Variants in CCDC122 observed in about 807,000 individuals in gnomAD.
CCDC122 encodes the protein coiled-coil domain-containing protein 122.
Under a neutral mutation model 37.0 loss-of-function variants are expected in CCDC122, and 38 were observed. That is an observed-to-expected ratio of 1.03 (90% CI 0.79 to 1.35). The LOEUF (loss-of-function observed/expected upper bound fraction) is 1.35. Among genes scored for constraint, CCDC122 ranks in the 40% most tolerant of loss-of-function variants. CCDC122 has a pLI of 0.00. For missense variants in CCDC122, 305 were observed against 310.0 expected (o/e 0.98, Z 0.12); for synonymous variants, 83 against 95.6 (o/e 0.87, Z 0.77).
At chr13:43,872,577 GAGA>G (rs1412057132) in intron 2 of CCDC122, among the ~76,000 whole-genome samples, 2 of 152,076 alleles carry the variant, frequency 1.3e-5, no homozygotes, top group Non-Finnish European at 2.9e-5. Flanking sequence ...AAAAAAATCA[GAGA>G]AGATGGTAAA....
chr13:43,826,578 C>T (rs1336102234), intron 3 of CCDC122, among the ~76,000 whole-genome samples: 1 of 152,138 alleles, frequency 6.6e-6, no homozygotes. Flanking sequence ...TTTGCACTCT[C>T]TAAGGCCTAA....
In CCDC122 at chr13:43,837,395, C is replaced by T; in HGVS notation, c.707G>A (p.Arg236His). The change falls in exon 7 of 7, where the codon CGT becomes CAT. Residue 236 changes from arginine to histidine, a missense_variant. Physicochemically the swap from Arg to His is conservative, Grantham distance 29. Coordinates refer to ENST00000444614, the MANE Select transcript of CCDC122 (RefSeq NM_144974.5). ...AAGCTTGTTCACCTGACAATGCAAACGCTTAAGAATTGCATCATACCTCTT... is the reference window on the plus strand; with the variant it reads ...AAGCTTGTTCACCTGACAATGCAAATGCTTAAGAATTGCATCATACCTCTT... ...QHKRYDAILK[R>H]LHCQVNKLQS... The T allele has an allele frequency of 1.2e-6, 2 of 1,613,842 alleles. No homozygotes were observed. The highest frequency in any genetic ancestry group is 2.2e-5 in the East Asian group (1 of 44,872).
chr13:43,831,709 T>G (rs1953091497), downstream of CCDC122, among the ~76,000 whole-genome samples: 1 of 152,188 alleles, frequency 6.6e-6, no homozygotes, highest in African/African-American at 2.4e-5. Context: ...GACATGATTT[T>G]TATGCCAGAG....
At chr13:43,828,888 T>C (rs1484691773) in intron 3 of CCDC122, among the ~76,000 whole-genome samples, 1 of 152,222 alleles carries the variant, frequency 6.6e-6, no homozygotes, top group Non-Finnish European at 1.5e-5. Context: ...ATTATTTGTA[T>C]ATAAGCTACA....
chr13:43,850,027 G>T (rs1046329233), intron 6 of CCDC122, among the ~76,000 whole-genome samples: 1 of 152,158 alleles, frequency 6.6e-6, no homozygotes, highest in African/African-American at 2.4e-5. Flanking sequence ...CTTTCACCAG[G>T]ACTCAGTAGT....
chr13:43,823,213 A>T (rs1953008577), downstream of CCDC122, among the ~76,000 whole-genome samples: 3 of 152,056 alleles, frequency 2.0e-5, no homozygotes, highest in Non-Finnish European at 4.4e-5. Flanking sequence ...ATTCTGGCCC[A>T]GGGTGTGTCT....
At chr13:43,848,042 T>C (rs1594827862) in intron 6 of CCDC122, among the ~76,000 whole-genome samples, 1 of 152,218 alleles carries the variant, frequency 6.6e-6, no homozygotes, top group African/African-American at 2.4e-5. Flanking sequence ...CCCAAAGTGC[T>C]GGGATTACAG....
intron 6 of CCDC122, among the ~76,000 whole-genome samples, chr13:43,846,551 C>T (rs921565797): frequency 2.6e-5 from 4 of 152,146 alleles, no homozygotes; most frequent in African/African-American, 9.7e-5. Flanking sequence ...AGTTAGAGTA[C>T]ATCTATTTCA....
At chr13:43,826,047 C>G (rs1387128678) in intron 3 of CCDC122, among the ~76,000 whole-genome samples, 1 of 152,192 alleles carries the variant, frequency 6.6e-6, no homozygotes, top group Non-Finnish European at 1.5e-5. Flanking sequence ...CTTACAGTCA[C>G]TCTTTAAAAA....
intron 6 of CCDC122, among the ~76,000 whole-genome samples, chr13:43,848,065 G>A (rs772786704): frequency 1.1e-4 from 17 of 152,210 alleles, no homozygotes; most frequent in Non-Finnish European, 1.9e-4. Context: ...ATGAGCCACC[G>A]TGCCCAGGCT....
intron 3 of CCDC122, among the ~76,000 whole-genome samples, chr13:43,830,684 T>C (rs991486005): frequency 2.0e-5 from 3 of 152,206 alleles, no homozygotes; most frequent in African/African-American, 7.2e-5. Flanking sequence ...AGAAAGTTTT[T>C]CTTTGCGAGG....
At chr13:43,828,681 G>A (rs1389689101) in intron 3 of CCDC122, among the ~76,000 whole-genome samples, 2 of 151,942 alleles carry the variant, frequency 1.3e-5, no homozygotes, top group East Asian at 1.9e-4. Context: ...TAACACAGAG[G>A]AGGTATAACA....
At chr13:43,829,781 T>C (rs1202070654) in intron 3 of CCDC122, among the ~76,000 whole-genome samples, 4 of 152,208 alleles carry the variant, frequency 2.6e-5, no homozygotes, top group African/African-American at 2.4e-5. Context: ...TCTGGTTGCA[T>C]GAGACTTCTA....
chr13:43,857,605 T>G (rs9533657), intron 6 of CCDC122, among the ~76,000 whole-genome samples: 12,562 of 152,142 alleles, frequency 0.083, 598 homozygotes, highest in African/African-American at 0.1. Flanking sequence ...CTTTTTTTCA[T>G]TAATAATTTT....
At chr13:43,845,931 G>A (rs1173373290) in intron 6 of CCDC122, among the ~76,000 whole-genome samples, 1 of 151,928 alleles carries the variant, frequency 6.6e-6, no homozygotes, top group African/African-American at 2.4e-5. Context: ...AAAATGAAAA[G>A]GATGTTTGTA....
intron 6 of CCDC122, among the ~76,000 whole-genome samples, chr13:43,841,264 T>C (rs1953341315): frequency 6.6e-6 from 1 of 152,230 alleles, no homozygotes; most frequent in Non-Finnish European, 1.5e-5. Flanking sequence ...AGGTGGAGAA[T>C]TGTTTGGACA....
Position 43,860,036 on chromosome 13 carries a change from G to T in CCDC122, c.191C>A (p.Ala64Asp). The T allele has an allele frequency of 6.5e-7, 1 of 1,539,374 alleles. No individual in the cohort carries two copies. The highest frequency in any genetic ancestry group is 8.8e-7 in the Non-Finnish European group (1 of 1,141,864). The change falls in exon 5 of 7, where the codon GCT becomes GAT. Residue 64 changes from alanine to aspartate, a missense_variant. Transcript: ENST00000444614. ...TGTTTCTTTAGTTTCTGCAGAGATA[G>T]CTGCTATTTCTTTTTCAAGCTCATG... ...ELHELEKEIA[A>D]ISAETKETER...
At chr13:43,864,582 G>A (rs1954213718) in intron 4 of CCDC122, among the ~76,000 whole-genome samples, 2 of 152,090 alleles carry the variant, frequency 1.3e-5, no homozygotes, top group Admixed American at 1.3e-4. Flanking sequence ...CAAGCTCTCA[G>A]GGGAACTAAT....
Position 43,859,839 on chromosome 13 carries a change from C to T in CCDC122, c.388G>A (p.Ala130Thr), listed in dbSNP as rs1377275493. The stretch of plus-strand genomic sequence containing the variant: ...CTATTTTTATGTGCTTTTATTTTTG[C>T]ATAATATGCATTATATTTTATCATG... ...EHMIKYNAYY[A>T]KIKAHKNSLG... The change falls in exon 5 of 7, where the codon GCA (alanine) becomes ACA (threonine). Residue 130 changes from alanine (A) to threonine (T), a missense_variant. Coordinates refer to ENST00000444614, the MANE Select transcript of CCDC122 (RefSeq NM_144974.5). 6 of 1,608,186 alleles carry T rather than the reference C, an allele frequency of 3.7e-6. No individual in the cohort carries two copies. The highest frequency in any genetic ancestry group is 1.7e-5 in the Admixed American group (1 of 59,086).
Sources: gnomAD v4.1 joint callset for allele counts (sites outside exome capture counted in the v4.1 genomes callset) on GRCh38, gnomAD v4.1.1 for gene constraint, MANE v1.5 for transcripts, NCBI Gene and HGNC (gene_info 2026-07-23, HGNC 2026-07-21) for gene names.